The following CDH13 variants were observed in gnomAD, a reference collection of about 807,000 sequenced individuals.
CDH13 encodes the protein cadherin 13, also known as cadherin-13.
CDH13 carries 24 observed loss-of-function variants against 63.8 expected under a neutral mutation model. The ratio of observed to expected loss-of-function variants is 0.38; its 90% CI spans 0.27 to 0.53. The LOEUF (loss-of-function observed/expected upper bound fraction) is 0.53, where lower values mean the gene tolerates loss of function less well. Ranked by LOEUF, CDH13 falls within the 20% of genes least tolerant of loss-of-function variation. The pLI, the probability that CDH13 is intolerant of heterozygous loss-of-function variation, is 0.85. For missense variants in CDH13, 1,049 were observed against 903.1 expected (o/e 1.16, Z -2.07); for synonymous variants, 503 against 355.3 (o/e 1.42, Z -4.67).
rs149364748 is a variant in CDH13, at chr16:83,709,011, G to A, written c.1538+30550G>A. ...TGCCCTCTAGTCTGGGCAACAGAGC[G>A]AGACCCTGTCTCAAAAAATTAAATT... On this transcript the variant is annotated intron_variant, in intron 10 of 13. Transcript: ENST00000567109. Among the ~76,000 whole-genome samples, 21 of 152,214 alleles carry A rather than the reference G, an allele frequency of 1.4e-4. No individual in the cohort carries two copies. In the East Asian group the frequency reaches 2.9e-3, roughly 21 times the overall value.
At chr16:82,766,220 T>C (rs2035049205) in intron 1 of CDH13, among the ~76,000 whole-genome samples, 1 of 152,222 alleles carries the variant, frequency 6.6e-6, no homozygotes, top group Non-Finnish European at 1.5e-5. Flanking sequence ...TAGCGTAACT[T>C]CTTTTTTTAA....
In CDH13 at chr16:83,141,344, G is replaced by C. The variant is rs74033926; in HGVS notation, c.483+15843G>C. ...ATTGTCCTAGGAATGGCTGCCCTGA[G>C]CCTGGGGATGTCCCAGGGTTTTTAG... On this transcript the variant is annotated intron_variant, in intron 4 of 13. Transcript: ENST00000567109. Among the ~76,000 whole-genome samples the C allele has an allele frequency of 3.9e-3, 591 of 152,316 alleles. 7 individuals carry two copies. Among genetic ancestry groups the C allele is most frequent in the African/African-American group, 0.014 (568 of 41,562 alleles).
intron 2 of CDH13, among the ~76,000 whole-genome samples, chr16:82,927,791 A>C (rs1187184429): frequency 6.6e-6 from 1 of 152,242 alleles, no homozygotes. Flanking sequence ...ACCCTGCCTA[A>C]CACACAGCCG....
intron 1 of CDH13, among the ~76,000 whole-genome samples, chr16:82,690,136 C>T (rs1012856176): frequency 4.9e-5 from 7 of 142,292 alleles, no homozygotes; most frequent in Non-Finnish European, 1.1e-4. Context: ...CTATTGCACT[C>T]CAGCCTGGGC....
chr16:83,355,905 A>G (rs1448094056), intron 6 of CDH13, among the ~76,000 whole-genome samples: 2 of 152,178 alleles, frequency 1.3e-5, no homozygotes, highest in Non-Finnish European at 2.9e-5. Flanking sequence ...TATGTACTGG[A>G]TACTGGTCCA....
In CDH13 at chr16:82,831,901, C is replaced by A. The variant is rs191620891; in HGVS notation, c.46-26461C>A. ...TAGGTAAACCCATGCTCACAGGTTCCCTCTGTTAATGGTGAAATTACATCA... is the reference window on the plus strand; with the variant it reads ...TAGGTAAACCCATGCTCACAGGTTCACTCTGTTAATGGTGAAATTACATCA... On this transcript the variant is annotated intron_variant, in intron 1 of 13. Transcript: ENST00000567109. Among the ~76,000 whole-genome samples, 118 of 152,206 alleles carry A rather than the reference C, an allele frequency of 7.8e-4. 1 individual carries two copies. The East Asian group carries it at 0.02, about 25-fold the overall frequency.
intron 1 of CDH13, among the ~76,000 whole-genome samples, chr16:82,831,031 C>T (rs1160080685): frequency 1.3e-5 from 2 of 152,100 alleles, no homozygotes; most frequent in Non-Finnish European, 2.9e-5. Flanking sequence ...GCTTGCTCTC[C>T]TTTATTCTCT....
intron 2 of CDH13, among the ~76,000 whole-genome samples, chr16:82,974,554 C>CAAAAGGGA (rs1239460518): frequency 6.6e-5 from 10 of 152,100 alleles, no homozygotes; most frequent in African/African-American, 2.4e-4. Context: ...AAATATGTGA[C>CAAAAGGGA]CTTGGGTGGC....
chr16:83,450,458 A>G (rs904739587), intron 6 of CDH13, among the ~76,000 whole-genome samples: 1 of 152,184 alleles, frequency 6.6e-6, no homozygotes, highest in African/African-American at 2.4e-5. Flanking sequence ...ATCTATGTAA[A>G]GGGTAGTATC....
chr16:83,308,557 A>G (rs2089930912), intron 5 of CDH13, among the ~76,000 whole-genome samples: 1 of 152,234 alleles, frequency 6.6e-6, no homozygotes, highest in Non-Finnish European at 1.5e-5. Flanking sequence ...GAGATTACAA[A>G]GCCAACGTCA....
intron 4 of CDH13, among the ~76,000 whole-genome samples, chr16:83,176,757 T>C (rs2038141670): frequency 1.3e-5 from 2 of 152,034 alleles, no homozygotes. Flanking sequence ...TTTAGTTGCT[T>C]GATGAAATGG....
chr16:83,076,453 G>T (rs1232872304), intron 3 of CDH13, among the ~76,000 whole-genome samples: 1 of 152,142 alleles, frequency 6.6e-6, no homozygotes, highest in African/African-American at 2.4e-5. Flanking sequence ...CATTAAGGGA[G>T]CCTGTCCTGA....
At chr16:83,418,933 C>G (rs1307992007) in intron 6 of CDH13, among the ~76,000 whole-genome samples, 2 of 152,144 alleles carry the variant, frequency 1.3e-5, no homozygotes, top group Non-Finnish European at 2.9e-5. Flanking sequence ...GCAGATGCTT[C>G]TCTTCTGATA....
intron 8 of CDH13, among the ~76,000 whole-genome samples, chr16:83,636,089 C>A (rs1428534815): frequency 9.1e-6 from 1 of 109,426 alleles, no homozygotes; most frequent in Non-Finnish European, 2.0e-5. Context: ...TTGCTATTGT[C>A]CCCTTGATTA....
At chr16:83,438,977 C>G (rs2072404068) in intron 6 of CDH13, among the ~76,000 whole-genome samples, 1 of 152,064 alleles carries the variant, frequency 6.6e-6, no homozygotes. Flanking sequence ...CTTAGAGCAC[C>G]TGGCATAGTT....
intron 3 of CDH13, among the ~76,000 whole-genome samples, chr16:83,093,723 C>T (rs541197453): frequency 5.0e-4 from 76 of 152,278 alleles, no homozygotes; most frequent in Non-Finnish European, 7.8e-4. Context: ...ATTTGCTAGG[C>T]GCTTGTACCT....
chr16:82,752,997 G>A lies in CDH13; in HGVS notation c.46-105365G>A, dbSNP rs574318135. On this transcript the variant is annotated intron_variant, in intron 1 of 13. Coordinates refer to ENST00000567109, the MANE Select transcript of CDH13 (RefSeq NM_001257.5). ...AGAGTTAAGAAGTGATGCATTTTGAGTATTCATTGCCTTTGCTTTTAAGAT... is the reference window on the plus strand; with the variant it reads ...AGAGTTAAGAAGTGATGCATTTTGAATATTCATTGCCTTTGCTTTTAAGAT... 3.3e-5 allele frequency among the ~76,000 whole-genome samples: 5 copies of A among 152,322 alleles called. No individual in the cohort carries two copies. In the South Asian group the frequency reaches 1.0e-3, roughly 32 times the overall value.
At chr16:83,072,871 A>T (rs2032539813) in intron 3 of CDH13, among the ~76,000 whole-genome samples, 1 of 152,176 alleles carries the variant, frequency 6.6e-6, no homozygotes, top group Non-Finnish European at 1.5e-5. Context: ...TTGTAGAAAG[A>T]CTGCCCTGGA....
intron 2 of CDH13, among the ~76,000 whole-genome samples, chr16:82,890,367 C>T (rs1242486198): frequency 1.3e-5 from 2 of 152,192 alleles, no homozygotes; most frequent in African/African-American, 4.8e-5. Context: ...CACTCACCAC[C>T]ATCTCCAGCC....
Sources: allele counts gnomAD v4.1 joint callset (sites outside exome capture counted in the v4.1 genomes callset), GRCh38; gene constraint gnomAD v4.1.1; transcripts MANE v1.5; gene names NCBI Gene and HGNC (gene_info 2026-07-23, HGNC 2026-07-21).